Variants in CDH18 observed in about 807,000 individuals in gnomAD.
CDH18 encodes the protein cadherin-18.
A neutral mutation model predicts 67.9 loss-of-function variants in CDH18; 31 were observed. The observed-to-expected ratio is 0.46, with a 90% CI of 0.34 to 0.62. The LOEUF is 0.62. Among genes scored for constraint, CDH18 ranks in the 20% least tolerant of loss-of-function variants. The pLI is 0.01. For missense variants in CDH18, 890 were observed against 975.5 expected (o/e 0.91, Z 1.17); for synonymous variants, 362 against 347.2 (o/e 1.04, Z -0.48).
chr5:19,485,609 T>A (rs1254860062), intron 11 of CDH18, among the ~76,000 whole-genome samples: 2 of 152,100 alleles, frequency 1.3e-5, no homozygotes, highest in African/African-American at 4.8e-5. Flanking sequence ...AGAAATGACA[T>A]CACGTGTATT....
intron 1 of CDH18, among the ~76,000 whole-genome samples, chr5:20,325,556 A>G (rs1345198565): frequency 6.6e-6 from 1 of 151,770 alleles, no homozygotes; most frequent in Non-Finnish European, 1.5e-5. Context: ...CCCATCCCTC[A>G]TTCTTAGGGA....
intron 2 of CDH18, among the ~76,000 whole-genome samples, chr5:19,874,349 T>A (rs979772476): frequency 6.2e-4 from 95 of 152,184 alleles, no homozygotes; most frequent in South Asian, 8.3e-4. Flanking sequence ...TCTGCCTGAC[T>A]CCTTTAAGCT....
At chr5:19,712,439 A>G (rs1764818604) in intron 5 of CDH18, among the ~76,000 whole-genome samples, 1 of 151,964 alleles carries the variant, frequency 6.6e-6, no homozygotes, top group South Asian at 2.1e-4. Flanking sequence ...CATATGAACA[A>G]AAGGGCTACT....
At chr5:19,692,869 C>G (rs1762075012) in intron 5 of CDH18, among the ~76,000 whole-genome samples, 1 of 151,764 alleles carries the variant, frequency 6.6e-6, no homozygotes, top group Admixed American at 6.6e-5. Flanking sequence ...CTATACTATC[C>G]AGTAATCTCA....
intron 1 of CDH18, among the ~76,000 whole-genome samples, chr5:20,441,663 T>C (rs963155276): frequency 2.6e-5 from 4 of 151,982 alleles, no homozygotes; most frequent in Admixed American, 6.5e-5. Flanking sequence ...CCTTCCTCAG[T>C]TGAGTTATCT....
chr5:20,159,991 C>A (rs75909848), intron 2 of CDH18, among the ~76,000 whole-genome samples: 11,146 of 151,944 alleles, frequency 0.073, 1,043 homozygotes, highest in African/African-American at 0.22. Context: ...TAAACACACA[C>A]AAAAAAATTT....
intron 2 of CDH18, among the ~76,000 whole-genome samples, chr5:20,062,968 T>C (rs979564495): frequency 6.2e-5 from 9 of 145,484 alleles, no homozygotes; most frequent in African/African-American, 2.3e-4. Flanking sequence ...TTGCATTTAG[T>C]CCAATATGCT....
At chr5:19,792,314 G>A (rs781239871) in intron 3 of CDH18, among the ~76,000 whole-genome samples, 3 of 152,116 alleles carry the variant, frequency 2.0e-5, no homozygotes, top group Non-Finnish European at 4.4e-5. Context: ...CGACCTCAGA[G>A]CTCCTGGTTG....
At chr5:19,607,566 A>AG (rs1748255213) in intron 6 of CDH18, among the ~76,000 whole-genome samples, 1 of 151,284 alleles carries the variant, frequency 6.6e-6, no homozygotes, top group Non-Finnish European at 1.5e-5. Context: ...AATATGAGAG[A>AG]GGGGAAAAAA....
rs145213048 is a variant in CDH18, at chr5:20,007,672, A to AGTGTGTGTGT, written c.-517-15668_-517-15659dup. 9.7e-3 allele frequency among the ~76,000 whole-genome samples: 1,355 copies of AGTGTGTGTGT among 140,220 alleles called. 15 individuals carry two copies. Among genetic ancestry groups the AGTGTGTGTGT allele is most frequent in the South Asian group, 0.02 (81 of 4,074 alleles). 92.0% of individuals were successfully genotyped at this position (140,220 alleles called of 152,430 possible). A position where few individuals can be genotyped will look rare whatever the true frequency, so the allele number is the denominator to read the frequency against. ...ATAGTTTGAAGTGCAGTGTGTGGAA[A>AGTGTGTGTGT]GTGTGTGTGTGTGTGTGTGTGTGTG... On this transcript the variant is annotated intron_variant, in intron 2 of 14. Transcript: ENST00000507958.
chr5:19,938,451 C>G (rs1214021673), intron 2 of CDH18, among the ~76,000 whole-genome samples: 2 of 151,426 alleles, frequency 1.3e-5, no homozygotes, highest in Non-Finnish European at 3.0e-5. Flanking sequence ...AAAATGCACT[C>G]CATAACCCAA....
intron 2 of CDH18, among the ~76,000 whole-genome samples, chr5:20,199,712 A>C (rs140805159): frequency 0.011 from 1,689 of 152,248 alleles, 32 homozygotes; most frequent in African/African-American, 0.038. Flanking sequence ...TCACCCAAAT[A>C]TCATCTTGAA....
chr5:20,407,291 A>G (rs1406031781), intron 1 of CDH18, among the ~76,000 whole-genome samples: 1 of 152,122 alleles, frequency 6.6e-6, no homozygotes, highest in Non-Finnish European at 1.5e-5. Flanking sequence ...TGCCTCATCT[A>G]TCACAGAGAA....
intron 2 of CDH18, among the ~76,000 whole-genome samples, chr5:20,136,549 C>T (rs1337734044): frequency 2.0e-5 from 3 of 152,098 alleles, no homozygotes; most frequent in Non-Finnish European, 4.4e-5. Flanking sequence ...TCCAATTTGC[C>T]AGTATGTATC....
At chr5:19,560,566 A>G (rs1171406572) in intron 8 of CDH18, among the ~76,000 whole-genome samples, 1 of 152,188 alleles carries the variant, frequency 6.6e-6, no homozygotes, top group African/African-American at 2.4e-5. Flanking sequence ...TTTCTAGAAG[A>G]TAACATTGGA....
rs568488146 is a variant in CDH18 at position 20,188,066 on chromosome 5, T to C, written c.-518+67378A>G. On this transcript the variant is annotated intron_variant, in intron 2 of 14. Transcript: ENST00000507958. ...TGCAGAGACATGCCACATATTGATG[T>C]AACTAACAAATATTCATACTATTTA... Among the ~76,000 whole-genome samples the C allele has an allele frequency of 2.6e-3, 390 of 152,048 alleles. 5 individuals are homozygous for C. Among genetic ancestry groups the C allele is most frequent in the Non-Finnish European group, 3.6e-3 (241 of 67,872 alleles).
intron 1 of CDH18, among the ~76,000 whole-genome samples, chr5:20,558,618 G>T (rs1321292870): frequency 6.6e-6 from 1 of 152,046 alleles, no homozygotes; most frequent in Non-Finnish European, 1.5e-5. Context: ...TTTGACTGAT[G>T]CATTTATCCC....
At chr5:20,297,949 T>A (rs1747667755) in intron 1 of CDH18, among the ~76,000 whole-genome samples, 1 of 152,208 alleles carries the variant, frequency 6.6e-6, no homozygotes, top group Non-Finnish European at 1.5e-5. Context: ...ACAATACCTG[T>A]AATACTTTTA....
At chr5:20,566,674 C>T (rs1758533648) in intron 1 of CDH18, among the ~76,000 whole-genome samples, 1 of 151,760 alleles carries the variant, frequency 6.6e-6, no homozygotes, top group South Asian at 2.1e-4. Context: ...TGCACCCAGC[C>T]TAATTCTCTT....
Sources: allele counts gnomAD v4.1 joint callset (sites outside exome capture counted in the v4.1 genomes callset), GRCh38; gene constraint gnomAD v4.1.1; transcripts MANE v1.5; gene names NCBI Gene and HGNC (gene_info 2026-07-23, HGNC 2026-07-21).